The following SUPT3H variants were observed in gnomAD, a reference collection of about 807,000 sequenced individuals.
SUPT3H encodes transcription initiation protein SPT3 homolog.
A neutral mutation model predicts 44.3 loss-of-function variants in SUPT3H; 44 were observed. The ratio of observed to expected loss-of-function variants is 0.99; its 90% CI spans 0.78 to 1.28. The LOEUF (loss-of-function observed/expected upper bound fraction) is 1.28. Among genes scored for constraint, SUPT3H ranks in the 50% most tolerant of loss-of-function variants. The pLI, the probability that SUPT3H is intolerant of heterozygous loss-of-function variation, is 0.00. For missense variants in SUPT3H, 380 were observed against 387.1 expected (o/e 0.98, Z 0.15); for synonymous variants, 124 against 125.6 (o/e 0.99, Z 0.09).
In SUPT3H at chr6:44,953,374, T is replaced by G; in HGVS notation, c.737A>C (p.Lys246Thr). 6.2e-7 allele frequency: 1 copy of G among 1,614,138 alleles called. No individual in the cohort carries two copies. Reference sequence around the variant, plus strand: ...GGCATGGCTGAAGGGGTCCCCTGCCTTGGTTACCATGTCTTGCCTCACAAG... The same window carrying G: ...GGCATGGCTGAAGGGGTCCCCTGCCGTGGTTACCATGTCTTGCCTCACAAG... ...ALLVRQDMVTKAGDPFSHAIS... is the reference protein window; with the variant it reads ...ALLVRQDMVTTAGDPFSHAIS... The change falls in exon 9 of 11, where the codon AAG (lysine) becomes ACG (threonine). Residue 246 changes from lysine (K) to threonine (T), a missense_variant. Lys to Thr is a moderately conservative substitution (Grantham distance 78). Transcript: ENST00000371459.
chr6:45,284,888 T>C (rs1180840426), intron 2 of SUPT3H, among the ~76,000 whole-genome samples: 2 of 152,298 alleles, frequency 1.3e-5, no homozygotes, highest in Admixed American at 6.5e-5. Flanking sequence ...AAAAAGCTTA[T>C]CCACCATGAT....
chr6:45,055,598 C>G (rs1044087237), intron 3 of SUPT3H, among the ~76,000 whole-genome samples: 2 of 152,174 alleles, frequency 1.3e-5, no homozygotes, highest in African/African-American at 2.4e-5. Flanking sequence ...ACAAATGGTG[C>G]TGGGATAATT....
chr6:44,918,152 T>G (rs1002751644), intron 10 of SUPT3H, among the ~76,000 whole-genome samples: 2 of 152,066 alleles, frequency 1.3e-5, no homozygotes, highest in African/African-American at 2.4e-5. Flanking sequence ...TTGAAACCAC[T>G]CCCACAAATA....
At chr6:44,844,253 A>G (rs1450078510) in intron 10 of SUPT3H, among the ~76,000 whole-genome samples, 2 of 152,206 alleles carry the variant, frequency 1.3e-5, no homozygotes, top group African/African-American at 4.8e-5. Context: ...CTGAAAATGA[A>G]TCACAGACCC....
intron 2 of SUPT3H, among the ~76,000 whole-genome samples, chr6:45,114,603 T>A (rs1800569981): frequency 6.6e-6 from 1 of 152,158 alleles, no homozygotes; most frequent in Admixed American, 6.5e-5. Flanking sequence ...AATGTGCATC[T>A]GAGAAAGTTT....
At chr6:45,019,595 G>T (rs2153517155) in intron 4 of SUPT3H, among the ~76,000 whole-genome samples, 1 of 151,920 alleles carries the variant, frequency 6.6e-6, no homozygotes, top group Non-Finnish European at 1.5e-5. Context: ...TGACCTTCAG[G>T]TTCAAGATTT....
chr6:45,020,484 C>T, intron 4 of SUPT3H, 62 bp downstream of exon 4: 3 of 1,257,736 alleles, frequency 2.4e-6, no homozygotes, highest in South Asian at 2.6e-5. Context: ...TATATAGTTT[C>T]CACATGCAAG....
chr6:44,845,773 C>G (rs974287263), intron 10 of SUPT3H, among the ~76,000 whole-genome samples: 16 of 152,192 alleles, frequency 1.1e-4, no homozygotes, highest in African/African-American at 3.6e-4. Context: ...AACCCGACAC[C>G]AGGGGAAAAT....
At chr6:45,367,773 C>T (rs946331036) in intron 1 of SUPT3H, among the ~76,000 whole-genome samples, 1 of 152,118 alleles carries the variant, frequency 6.6e-6, no homozygotes, top group Non-Finnish European at 1.5e-5. Flanking sequence ...CAATCTGCTC[C>T]TTTTTCATTT....
intron 3 of SUPT3H, among the ~76,000 whole-genome samples, chr6:45,046,388 T>G (rs1452108655): frequency 6.6e-6 from 1 of 152,150 alleles, no homozygotes; most frequent in Non-Finnish European, 1.5e-5. Context: ...TGGAGTGCAG[T>G]GGCACGATCT....
chr6:45,057,433 G>A (rs73444966), intron 3 of SUPT3H, among the ~76,000 whole-genome samples: 17,832 of 151,822 alleles, frequency 0.12, 1,232 homozygotes, highest in African/African-American at 0.19. Flanking sequence ...AACATAGAAG[G>A]TATTGTGATG....
Position 44,829,841 on chromosome 6 carries a change from T to A in SUPT3H, c.929A>T (p.Asn310Ile). The stretch of plus-strand genomic sequence containing the variant: ...TCAGCAGGCTAGAAAAGCCATCCCA[T>A]TCCTGCGGTAGGCATTCTGTCAAAG... Reference protein sequence around the residue: ...LSPFTNAYRRNGMAFLAC With the variant: ...LSPFTNAYRRIGMAFLAC The change falls in exon 11 of 11, where the codon AAT becomes ATT. Residue 310 changes from asparagine (N) to isoleucine (I), a missense_variant. Coordinates refer to ENST00000371459, the MANE Select transcript of SUPT3H (RefSeq NM_003599.4). 1 of 1,613,284 alleles carries A rather than the reference T, an allele frequency of 6.2e-7. No individual in the cohort carries two copies. Among genetic ancestry groups the A allele is most frequent in the Non-Finnish European group, 8.5e-7 (1 of 1,179,278 alleles).
intron 3 of SUPT3H, among the ~76,000 whole-genome samples, chr6:45,080,547 A>G (rs1795653153): frequency 6.6e-6 from 1 of 152,140 alleles, no homozygotes; most frequent in Non-Finnish European, 1.5e-5. Context: ...CATCAACAGA[A>G]GAATGAATAA....
intron 3 of SUPT3H, among the ~76,000 whole-genome samples, chr6:45,084,270 A>G (rs897897418): frequency 1.3e-5 from 2 of 152,222 alleles, no homozygotes; most frequent in African/African-American, 2.4e-5. Context: ...TCTAGAATCT[A>G]TAAGGAACTT....
At chr6:44,947,651 T>A (rs1443059330) in intron 9 of SUPT3H, among the ~76,000 whole-genome samples, 1 of 152,084 alleles carries the variant, frequency 6.6e-6, no homozygotes, top group African/African-American at 2.4e-5. Flanking sequence ...GCTTAAAAAA[T>A]AACAGAGTTT....
At chr6:45,373,443 A>G (rs1438434994) in intron 1 of SUPT3H, among the ~76,000 whole-genome samples, 3 of 152,150 alleles carry the variant, frequency 2.0e-5, no homozygotes, top group African/African-American at 7.2e-5. Context: ...AGTGCCCAAG[A>G]AAATGTTGGT....
chr6:44,953,106 A>G (rs1214123286), intron 9 of SUPT3H, among the ~76,000 whole-genome samples: 1 of 152,204 alleles, frequency 6.6e-6, no homozygotes, highest in Non-Finnish European at 1.5e-5. Context: ...AAACGTGAAA[A>G]AAGTCATTGT....
intron 6 of SUPT3H, among the ~76,000 whole-genome samples, chr6:44,969,743 C>T (rs991573509): frequency 2.2e-4 from 34 of 152,236 alleles, no homozygotes; most frequent in African/African-American, 7.9e-4. Context: ...TGAATTACAT[C>T]GACTTGAATA....
chr6:44,992,762 A>G (rs1461985349), intron 6 of SUPT3H, among the ~76,000 whole-genome samples: 1 of 152,164 alleles, frequency 6.6e-6, no homozygotes, highest in Non-Finnish European at 1.5e-5. Context: ...AATGGTACTA[A>G]TATTGTTTTT....
Sources: gnomAD v4.1 joint callset for allele counts (sites outside exome capture counted in the v4.1 genomes callset) on GRCh38, gnomAD v4.1.1 for gene constraint, MANE v1.5 for transcripts, NCBI Gene and HGNC (gene_info 2026-07-23, HGNC 2026-07-21) for gene names.